PDLIM3: variants seen among roughly 807,000 people sequenced by gnomAD.
PDLIM3 encodes the protein PDZ and LIM domain protein 3.
Under a neutral mutation model 37.3 loss-of-function variants are expected in PDLIM3, and 36 were observed. That is an observed-to-expected ratio of 0.97 (90% CI 0.74 to 1.28). The LOEUF (loss-of-function observed/expected upper bound fraction) is 1.28. Ranked by LOEUF, PDLIM3 falls within the 50% of genes most tolerant of loss-of-function variation. PDLIM3 has a pLI of 0.00. For synonymous variants in PDLIM3, 174 were observed against 182.4 expected (o/e 0.95, Z 0.37); for missense variants, 454 against 485.0 (o/e 0.94, Z 0.60).
At chr4:185,523,226 C>T (rs1489689202) in intron 3 of PDLIM3, 136 bp downstream of exon 3, 4 of 647,554 alleles carry the variant, frequency 6.2e-6, no homozygotes, top group African/African-American at 3.7e-5. Flanking sequence ...ATAAATTAAT[C>T]TCGGAGAGGA....
At chr4:185,532,053 G>T (rs573096720) in intron 1 of PDLIM3, among the ~76,000 whole-genome samples, 1 of 152,150 alleles carries the variant, frequency 6.6e-6, no homozygotes, top group East Asian at 1.9e-4. Context: ...AGGCGAGATC[G>T]CGCCACTGCA....
At chr4:185,503,160 G>A (rs536627293) in intron 7 of PDLIM3, among the ~76,000 whole-genome samples, 2 of 152,098 alleles carry the variant, frequency 1.3e-5, no homozygotes, top group African/African-American at 4.8e-5. Context: ...GGAGGCGGAG[G>A]TTGCAGTGAG....
rs535584303 is a variant in PDLIM3 at position 185,524,396 on chromosome 4, AATT to A, written c.245+621_245+623del. On this transcript the variant is annotated intron_variant, in intron 2 of 7. Transcript: ENST00000284767. Reference sequence around the variant, plus strand: ...ACACACACTAACAACCACTATAACAAATTATTATTATCATGGTTCAGTTTTGGA... The same window carrying A: ...ACACACACTAACAACCACTATAACAAATTATTATCATGGTTCAGTTTTGGA... Among the ~76,000 whole-genome samples the A allele has an allele frequency of 2.6e-3, 400 of 152,260 alleles. 3 individuals are homozygous for A. The highest frequency in any genetic ancestry group is 4.3e-3 in the Non-Finnish European group (293 of 68,018).
chr4:185,526,125 G>T (rs890687726), intron 1 of PDLIM3, among the ~76,000 whole-genome samples: 3 of 152,220 alleles, frequency 2.0e-5, no homozygotes, highest in Non-Finnish European at 4.4e-5. Context: ...GCATGGAGCA[G>T]GGCATGGAGG....
At position 185,535,505 on chromosome 4, in the gene PDLIM3, C is replaced by A; in HGVS notation, c.-71G>T. The A allele has an allele frequency of 7.3e-7, 1 of 1,366,790 alleles. No individual in the cohort carries two copies. The highest frequency in any genetic ancestry group is 2.8e-5 in the East Asian group (1 of 35,964). The allele number at this position is 1,366,790 out of a possible 1,614,324, so 84.7% of individuals were successfully genotyped here. A position where few individuals can be genotyped will look rare whatever the true frequency, so the allele number is the denominator to read the frequency against. ...GCAGCCACTCCGCGCCGGGCGGCGTCCTGGCCCCGACCCGGGCGGGGGCGC... is the reference window on the plus strand; with the variant it reads ...GCAGCCACTCCGCGCCGGGCGGCGTACTGGCCCCGACCCGGGCGGGGGCGC... On this transcript the variant is annotated 5_prime_UTR_variant, in exon 1 of 8. Coordinates refer to ENST00000284767, the MANE Select transcript of PDLIM3 (RefSeq NM_014476.6).
intron 1 of PDLIM3, among the ~76,000 whole-genome samples, chr4:185,534,910 G>T (rs2095750799): frequency 6.6e-6 from 1 of 152,230 alleles, no homozygotes; most frequent in South Asian, 2.1e-4. Context: ...GCCAGCTCCA[G>T]GGAATGCCGG....
At chr4:185,507,478 T>C (rs796838815) in intron 5 of PDLIM3, among the ~76,000 whole-genome samples, 9 of 152,304 alleles carry the variant, frequency 5.9e-5, no homozygotes, top group African/African-American at 2.2e-4. Flanking sequence ...ATGTCATATT[T>C]GCAAATGGCT....
chr4:185,513,114 T>C, intron 4 of PDLIM3: 3 of 983,826 alleles, frequency 3.0e-6, no homozygotes, highest in Non-Finnish European at 3.6e-6. Flanking sequence ...TTCTAGGTGC[T>C]GGGGGTATAA....
At chr4:185,523,030 T>C (rs1309639080) in intron 3 of PDLIM3, 1 of 243,576 alleles carries the variant, frequency 4.1e-6, no homozygotes, top group African/African-American at 2.3e-5. Flanking sequence ...TGCTTTGTTT[T>C]AACAACTTAA....
chr4:185,505,908 T>C (rs1376951275), intron 6 of PDLIM3, among the ~76,000 whole-genome samples: 1 of 152,202 alleles, frequency 6.6e-6, no homozygotes, highest in Non-Finnish European at 1.5e-5. Flanking sequence ...GGACAGTCTA[T>C]ATCTTTTGGG....
intron 6 of PDLIM3, among the ~76,000 whole-genome samples, chr4:185,505,838 C>T (rs553989700): frequency 2.0e-5 from 3 of 152,322 alleles, no homozygotes; most frequent in African/African-American, 7.2e-5. Flanking sequence ...TTGTTATTCT[C>T]CATGTCTGCC....
At chr4:185,524,477 G>C (rs1042404190) in intron 2 of PDLIM3, among the ~76,000 whole-genome samples, 2 of 152,196 alleles carry the variant, frequency 1.3e-5, no homozygotes, top group African/African-American at 2.4e-5. Context: ...TTTTTGGGGG[G>C]TGGGGTCAGA....
chr4:185,517,984 T>C (rs1166725257), intron 3 of PDLIM3, among the ~76,000 whole-genome samples: 1 of 152,118 alleles, frequency 6.6e-6, no homozygotes, highest in Non-Finnish European at 1.5e-5. Context: ...CCTGGAAAAA[T>C]CACAAGTAAC....
At chr4:185,524,549 G>C (rs1179794638) in intron 2 of PDLIM3, among the ~76,000 whole-genome samples, 4 of 152,240 alleles carry the variant, frequency 2.6e-5, no homozygotes, top group African/African-American at 9.6e-5. Flanking sequence ...ACATTCTTCT[G>C]GGCTGAATTC....
Position 185,514,036 on chromosome 4 carries a change from G to A in PDLIM3, c.398+234C>T. On this transcript the variant is annotated intron_variant, in intron 4 of 7. Coordinates refer to ENST00000284767, the MANE Select transcript of PDLIM3 (RefSeq NM_014476.6). This position sits in a 1 kb window ranked among gnomAD's most constrained non-coding sequence, Gnocchi z 4.0. Reference sequence around the variant, plus strand: ...TCAGGGGTGTTCGCTATAAATACACGTGGTGATTGCATACAATTTCACAGC... The same window carrying A: ...TCAGGGGTGTTCGCTATAAATACACATGGTGATTGCATACAATTTCACAGC... 7.1e-7 allele frequency: 1 copy of A among 1,409,286 alleles called. No homozygotes were observed. The highest frequency in any genetic ancestry group is 2.8e-5 in the East Asian group (1 of 35,716). The allele number at this position is 1,409,286 out of a possible 1,614,324, so 87.3% of individuals were successfully genotyped here. A position where few individuals can be genotyped will look rare whatever the true frequency, so the allele number is the denominator to read the frequency against.
chr4:185,509,920 T>G (rs1018207142), intron 4 of PDLIM3, among the ~76,000 whole-genome samples: 1 of 11,310 alleles, frequency 8.8e-5, no homozygotes, highest in African/African-American at 1.2e-4. Flanking sequence ...GGGTTTAAAT[T>G]TTTTTTTTTT....
At position 185,514,335 on chromosome 4, in the gene PDLIM3, G is replaced by C. The variant is rs549674569; in HGVS notation, c.333C>G (p.Asp111Glu). 2 of 1,614,134 alleles carry C rather than the reference G, an allele frequency of 1.2e-6. No individual in the cohort carries two copies. Among genetic ancestry groups the C allele is most frequent in the Admixed American group, 1.7e-5 (1 of 60,016 alleles). Reference sequence around the variant, plus strand: ...TATGCTTGTGTTCAAAGTAGTTCCCGTCCTGTGAAAACAAAGCGTTAAAAA... The same window carrying C: ...TATGCTTGTGTTCAAAGTAGTTCCCCTCCTGTGAAAACAAAGCGTTAAAAA... ...FKINLESEPQDGNYFEHKHNI... is the reference protein window; with the variant it reads ...FKINLESEPQEGNYFEHKHNI... The change falls in exon 4 of 8, where the codon GAC becomes GAG. Residue 111 changes from aspartate (D) to glutamate (E), a missense_variant and splice_region_variant. Physicochemically the swap from Asp to Glu is conservative, Grantham distance 45. Transcript: ENST00000284767. The surrounding 1 kb of genome is among the most constrained non-coding windows in gnomAD (Gnocchi z 4.0).
intron 4 of PDLIM3, among the ~76,000 whole-genome samples, chr4:185,511,332 T>C (rs554694968): frequency 9.2e-5 from 14 of 151,902 alleles, no homozygotes; most frequent in African/African-American, 3.1e-4. Context: ...CCCAGGGAAA[T>C]TGAGCTGTTA....
intron 1 of PDLIM3, among the ~76,000 whole-genome samples, chr4:185,534,048 A>G (rs749987965): frequency 6.6e-6 from 1 of 152,172 alleles, no homozygotes; most frequent in Non-Finnish European, 1.5e-5. Flanking sequence ...TGCTTACTTT[A>G]CTTAGGAACG....
Sources: allele counts gnomAD v4.1 joint callset (sites outside exome capture counted in the v4.1 genomes callset), GRCh38; gene constraint gnomAD v4.1.1; non-coding constraint Gnocchi (gnomAD v3.1); transcripts MANE v1.5; gene names NCBI Gene and HGNC (gene_info 2026-07-23, HGNC 2026-07-21).